Variants in OTUD7A observed in about 807,000 individuals in gnomAD.
The protein encoded by OTUD7A is OTU deubiquitinase 7A, also known as OTU domain-containing protein 7A.
In OTUD7A, 12 loss-of-function variants were observed where a neutral mutation model predicts 65.7. The ratio of observed to expected loss-of-function variants is 0.18; its 90% confidence interval spans 0.12 to 0.30. The LOEUF (loss-of-function observed/expected upper bound fraction) is 0.30, where lower values mean the gene tolerates loss of function less well. OTUD7A is among the 10% of genes least tolerant of loss of function. OTUD7A has a pLI of 1.00. For synonymous variants in OTUD7A, 641 were observed against 586.3 expected, an observed-to-expected ratio of 1.09 and a Z score of -1.35; for missense variants, 1,148 against 1,304.8, an observed-to-expected ratio of 0.88 and a Z score of 1.85.
At position 31,678,923 on chromosome 15, in the gene OTUD7A, G is replaced by A. The variant is rs571553307; in HGVS notation, c.-99-21846C>T. Among the ~76,000 whole-genome samples, 27 of 152,308 alleles carry A rather than the reference G, an allele frequency of 1.8e-4. No individual in the cohort carries two copies. The South Asian group carries it at 4.1e-3, about 23-fold the overall frequency. On this transcript the variant is annotated intron_variant, in intron 1 of 12. Coordinates refer to ENST00000307050, the MANE Select transcript of OTUD7A (RefSeq NM_001382637.1). ...CTTGTACTGTGCACCTAGAAAAGTCGCAGACACTCAACACAAGCCTGTGAA... is the reference window on the plus strand; with the variant it reads ...CTTGTACTGTGCACCTAGAAAAGTCACAGACACTCAACACAAGCCTGTGAA...
At chr15:31,750,306 A>G (rs1310208528) in intron 1 of OTUD7A, among the ~76,000 whole-genome samples, 1 of 149,308 alleles carries the variant, frequency 6.7e-6, no homozygotes, top group East Asian at 2.0e-4. Context: ...TACTCAGGAG[A>G]CTGAGGCTTG....
intron 4 of OTUD7A, 125 bp from the exon 5 acceptor site, chr15:31,559,312 CCA>C: frequency 1.1e-6 from 1 of 883,866 alleles, no homozygotes; most frequent in Non-Finnish European, 1.7e-6. Flanking sequence ...TGCACACAGA[CCA>C]CACACATGCA....
rs1243312259 is a variant in OTUD7A, at chr15:31,517,033, A to G, written c.893+9316T>C. ...CCCAGCCACAGAGCGATGGTCAGGT[A>G]AGAAAAAACTAGACACAGGCCAGAC... On this transcript the variant is annotated intron_variant, in intron 8 of 12. Coordinates refer to ENST00000307050, the MANE Select transcript of OTUD7A (RefSeq NM_001382637.1). Among the ~76,000 whole-genome samples, 3 of 152,236 alleles carry G rather than the reference A, an allele frequency of 2.0e-5. No individual in the cohort carries two copies. In the East Asian group the frequency reaches 5.8e-4, roughly 29 times the overall value.
intron 3 of OTUD7A, among the ~76,000 whole-genome samples, chr15:31,577,181 T>C (rs959781885): frequency 2.6e-5 from 4 of 152,186 alleles, no homozygotes; most frequent in African/African-American, 9.7e-5. Context: ...TTTGCATCTG[T>C]AGAGACTCTC....
intron 3 of OTUD7A, among the ~76,000 whole-genome samples, chr15:31,636,482 A>T (rs890487395): frequency 6.6e-6 from 1 of 152,146 alleles, no homozygotes; most frequent in Non-Finnish European, 1.5e-5. Context: ...AGGCCTCCCT[A>T]TTCCCTGAGA....
chr15:31,749,888 G>A (rs755878270), intron 1 of OTUD7A, among the ~76,000 whole-genome samples: 7 of 151,950 alleles, frequency 4.6e-5, no homozygotes, highest in Non-Finnish European at 1.0e-4. Context: ...AAATCAACGT[G>A]CAAAAATCAG....
At chr15:31,726,799 G>A (rs1036476283) in intron 1 of OTUD7A, among the ~76,000 whole-genome samples, 5 of 152,218 alleles carry the variant, frequency 3.3e-5, no homozygotes, top group African/African-American at 1.2e-4. Flanking sequence ...CATTGCCACG[G>A]TTCTTTTTGT....
At chr15:31,843,177 T>C (rs959670501) in intron 1 of OTUD7A, among the ~76,000 whole-genome samples, 4 of 151,826 alleles carry the variant, frequency 2.6e-5, no homozygotes, top group African/African-American at 9.7e-5. Context: ...AGGGGCAAAA[T>C]TCCCTAGGAA....
chr15:31,476,277 T>C lies in OTUD7A; in HGVS notation c.*7017A>G, dbSNP rs747453769. 6.6e-6 allele frequency: 1 copy of C among 152,258 alleles called. No homozygotes were observed. The highest frequency in any genetic ancestry group is 1.5e-5 in the Non-Finnish European group (1 of 68,078). The allele number at this position is 152,258 out of a possible 1,614,324, so 9.4% of individuals were successfully genotyped here. A position where few individuals can be genotyped will look rare whatever the true frequency, so the allele number is the denominator to read the frequency against. On this transcript the variant is annotated 3_prime_UTR_variant, in exon 13 of 13. Transcript: ENST00000307050. ...TACAGGGGCTGGAGGCCACAGCTGA[T>C]CTCCAACACATGCTCATGGTGAGTT...
At chr15:31,809,282 T>G (rs1389622559) in intron 1 of OTUD7A, among the ~76,000 whole-genome samples, 2 of 152,216 alleles carry the variant, frequency 1.3e-5, no homozygotes, top group African/African-American at 2.4e-5. Flanking sequence ...GGAAGTAAAG[T>G]GTATCCTGGG....
rs1466140918 is a variant in OTUD7A, at chr15:31,482,218, G to A, written c.*1076C>T. 2.6e-5 allele frequency: 4 copies of A among 152,252 alleles called. No homozygotes were observed. The East Asian group carries it at 7.7e-4, about 29-fold the overall frequency. The allele number at this position is 152,252 out of a possible 1,614,324, so 9.4% of individuals were successfully genotyped here. A position where few individuals can be genotyped will look rare whatever the true frequency, so the allele number is the denominator to read the frequency against. ...GACGGAGGCAGGGTCGTCCTGCCCC[G>A]TGGAGGGGCCACGATCACAGTGAGT... is the stretch of plus-strand genomic sequence containing the variant. On this transcript the variant is annotated 3_prime_UTR_variant, in exon 13 of 13. Transcript: ENST00000307050.
In OTUD7A at chr15:31,792,105, G is replaced by A. The variant is rs201116121; in HGVS notation, c.-100+78402C>T. On this transcript the variant is annotated intron_variant, in intron 1 of 12. Coordinates refer to ENST00000307050, the MANE Select transcript of OTUD7A (RefSeq NM_001382637.1). ...CTTAAGCCAAAAATCAAAGCCCTCCGCATTTCTCGTCCGCTCCTCAGCAAC... is the reference window on the plus strand; with the variant it reads ...CTTAAGCCAAAAATCAAAGCCCTCCACATTTCTCGTCCGCTCCTCAGCAAC... 5.3e-5 allele frequency among the ~76,000 whole-genome samples: 8 copies of A among 152,164 alleles called. No homozygotes were observed. The East Asian group carries it at 1.4e-3, about 26-fold the overall frequency.
At chr15:31,774,671 C>T (rs1895324923) in intron 1 of OTUD7A, among the ~76,000 whole-genome samples, 1 of 152,186 alleles carries the variant, frequency 6.6e-6, no homozygotes, top group African/African-American at 2.4e-5. Context: ...AGTTTCTGTG[C>T]CACATCCAGA....
At chr15:31,653,770 GTAAAAAAAA>G (rs1891909969) in intron 3 of OTUD7A, among the ~76,000 whole-genome samples, 1 of 150,948 alleles carries the variant, frequency 6.6e-6, no homozygotes, top group African/African-American at 2.4e-5. Context: ...AAAAATATAA[GTAAAAAAAA>G]TAAAGAAAAG....
chr15:31,560,185 T>A (rs1478019855), intron 4 of OTUD7A, among the ~76,000 whole-genome samples: 1 of 152,230 alleles, frequency 6.6e-6, no homozygotes, highest in Non-Finnish European at 1.5e-5. Context: ...CATTCAGGCA[T>A]CCACAGCAGC....
At chr15:31,610,617 A>ATATATTTTTTTTTT in intron 3 of OTUD7A, among the ~76,000 whole-genome samples, 3 of 30,558 alleles carry the variant, frequency 9.8e-5, no homozygotes, top group African/African-American at 5.1e-4. Context: ...ATATATATAT[A>ATATATTTTTTTTTT]TTTTTTTTTT....
At chr15:31,609,831 C>CA (rs1166921206) in intron 3 of OTUD7A, among the ~76,000 whole-genome samples, 1 of 151,928 alleles carries the variant, frequency 6.6e-6, no homozygotes, top group Non-Finnish European at 1.5e-5. Context: ...ACCCCCCTGC[C>CA]ACCTCCACTG....
At position 31,829,290 on chromosome 15, in the gene OTUD7A, G is replaced by A. The variant is rs192096880; in HGVS notation, c.-100+41217C>T. Among the ~76,000 whole-genome samples the A allele has an allele frequency of 3.3e-5, 5 of 152,304 alleles. No individual in the cohort carries two copies. The East Asian group carries it at 7.7e-4, about 24-fold the overall frequency. Reference sequence around the variant, plus strand: ...CTCCAACAAATTCTCTGACTCAAGCGTGGCCTGGCACCATCAACATGGTAA... The same window carrying A: ...CTCCAACAAATTCTCTGACTCAAGCATGGCCTGGCACCATCAACATGGTAA... On this transcript the variant is annotated intron_variant, in intron 1 of 12. Transcript: ENST00000307050.
At chr15:31,632,452 A>ACAGATGCTGCTG (rs1891198877) in intron 3 of OTUD7A, among the ~76,000 whole-genome samples, 1 of 152,230 alleles carries the variant, frequency 6.6e-6, no homozygotes, top group Admixed American at 6.5e-5. Context: ...TTGGTGAACC[A>ACAGATGCTGCTG]CAGATGCTGC....
Sources: gnomAD v4.1 joint callset for allele counts (sites outside exome capture counted in the v4.1 genomes callset) on GRCh38, gnomAD v4.1.1 for gene constraint, MANE v1.5 for transcripts, NCBI Gene and HGNC (gene_info 2026-07-23, HGNC 2026-07-21) for gene names.